The following PTPRT variants were observed in gnomAD, a reference collection of about 807,000 sequenced individuals.
The protein encoded by PTPRT is protein tyrosine phosphatase receptor type T, also known as receptor-type tyrosine-protein phosphatase T.
In PTPRT, 56 loss-of-function variants were observed where a neutral mutation model predicts 176.8. That is an observed-to-expected ratio of 0.32 (90% CI 0.26 to 0.40). The LOEUF (loss-of-function observed/expected upper bound fraction) is 0.40, where lower values mean the gene tolerates loss of function less well. Among genes scored for constraint, PTPRT ranks in the 10% least tolerant of loss-of-function variants. The pLI, the probability that PTPRT is intolerant of heterozygous loss-of-function variation, is 1.00. For missense variants in PTPRT, 1,540 were observed against 1,908.2 expected (o/e 0.81, Z 3.60); for synonymous variants, 783 against 739.0 (o/e 1.06, Z -0.96).
intron 2 of PTPRT, among the ~76,000 whole-genome samples, chr20:42,885,242 A>ATT (rs2079083768): frequency 6.8e-6 from 1 of 147,282 alleles, no homozygotes; most frequent in African/African-American, 2.5e-5. Flanking sequence ...TAATATATAT[A>ATT]CTATGTAACA....
At chr20:42,346,193 G>A (rs760085775) in intron 11 of PTPRT, among the ~76,000 whole-genome samples, 1 of 152,160 alleles carries the variant, frequency 6.6e-6, no homozygotes, top group African/African-American at 2.4e-5. Context: ...AATTAGATGG[G>A]AAGGGGAGGA....
At chr20:42,830,962 C>A (rs1305617679) in intron 2 of PTPRT, among the ~76,000 whole-genome samples, 1 of 152,186 alleles carries the variant, frequency 6.6e-6, no homozygotes, top group Non-Finnish European at 1.5e-5. Flanking sequence ...AATGGCCACA[C>A]TGCCCAAAGC....
intron 20 of PTPRT, 70 bp from the exon 21 acceptor site, chr20:42,118,570 C>T: frequency 7.1e-7 from 1 of 1,413,000 alleles, no homozygotes; most frequent in South Asian, 1.3e-5. Context: ...GTTTGTCCCC[C>T]CGGTTGGTCA....
chr20:42,175,878 G>T (rs565603538), intron 16 of PTPRT, among the ~76,000 whole-genome samples: 14 of 152,136 alleles, frequency 9.2e-5, no homozygotes, highest in Non-Finnish European at 2.1e-4. Flanking sequence ...GGGATGACTG[G>T]TCACTAAAAG....
intron 7 of PTPRT, among the ~76,000 whole-genome samples, chr20:42,516,776 G>A (rs1318860082): frequency 6.6e-6 from 1 of 152,136 alleles, no homozygotes; most frequent in African/African-American, 2.4e-5. Context: ...ACGAAATACA[G>A]CCTGTAATTT....
chr20:42,705,993 G>T (rs2076049018), intron 6 of PTPRT, among the ~76,000 whole-genome samples: 1 of 152,068 alleles, frequency 6.6e-6, no homozygotes, highest in Non-Finnish European at 1.5e-5. Context: ...GTATAATGGG[G>T]AGAGGTTGGA....
At chr20:42,427,511 C>A (rs572541584) in intron 9 of PTPRT, among the ~76,000 whole-genome samples, 1 of 89,832 alleles carries the variant, frequency 1.1e-5, no homozygotes, top group East Asian at 3.3e-4. Context: ...ATCGATGGCG[C>A]CTTCTAGCTG....
rs1169415694 is a variant in PTPRT at position 42,617,116 on chromosome 20, A to G, written c.1153+60750T>C. Among the ~76,000 whole-genome samples, 3 of 137,416 alleles carry G rather than the reference A, an allele frequency of 2.2e-5. 1 individual carries two copies. The highest frequency in any genetic ancestry group is 3.2e-5 in the African/African-American group (1 of 31,034). The allele number at this position is 137,416 out of a possible 152,430, so 90.2% of individuals were successfully genotyped here. ...TTATTATTTTGAAATACCTCCCATC[A>G]ATACCTAATTTATTGAGAGTTTTTA... On this transcript the variant is annotated intron_variant, in intron 7 of 30. Transcript: ENST00000373187.
At chr20:42,900,565 G>C (rs1329435659) in intron 1 of PTPRT, among the ~76,000 whole-genome samples, 1 of 152,142 alleles carries the variant, frequency 6.6e-6, no homozygotes, top group Non-Finnish European at 1.5e-5. Context: ...AGCATCAAAA[G>C]TGGTAATGCC....
At chr20:42,873,804 A>G (rs774101267) in intron 2 of PTPRT, among the ~76,000 whole-genome samples, 4 of 152,184 alleles carry the variant, frequency 2.6e-5, no homozygotes, top group African/African-American at 4.8e-5. Flanking sequence ...TGGGACCTCA[A>G]TGGATTACTG....
At chr20:42,945,159 AT>A (rs1443093061) in intron 1 of PTPRT, among the ~76,000 whole-genome samples, 1 of 150,524 alleles carries the variant, frequency 6.6e-6, no homozygotes, top group Non-Finnish European at 1.5e-5. Flanking sequence ...GTATCTTTAC[AT>A]TTATTATAAT....
At chr20:42,558,911 C>T (rs1010361193) in intron 7 of PTPRT, among the ~76,000 whole-genome samples, 2 of 152,138 alleles carry the variant, frequency 1.3e-5, no homozygotes, top group Non-Finnish European at 2.9e-5. Flanking sequence ...ACAGAATTCT[C>T]CATGTGAAGG....
intron 2 of PTPRT, among the ~76,000 whole-genome samples, chr20:42,823,062 A>G (rs552126059): frequency 6.6e-6 from 1 of 152,342 alleles, no homozygotes; most frequent in African/African-American, 2.4e-5. Context: ...AACGCAAATC[A>G]TTCTACTATA....
At chr20:42,869,920 G>A (rs1166260295) in intron 2 of PTPRT, among the ~76,000 whole-genome samples, 1 of 152,172 alleles carries the variant, frequency 6.6e-6, no homozygotes, top group Non-Finnish European at 1.5e-5. Context: ...TTATAAAAGA[G>A]CTGGAGGGAA....
intron 9 of PTPRT, among the ~76,000 whole-genome samples, chr20:42,383,575 T>A (rs2058716425): frequency 6.6e-6 from 1 of 152,212 alleles, no homozygotes; most frequent in Non-Finnish European, 1.5e-5. Context: ...GGCCACTGAT[T>A]CTGCAGTGTT....
intron 1 of PTPRT, among the ~76,000 whole-genome samples, chr20:43,101,771 A>G (rs1204357485): frequency 6.6e-6 from 1 of 152,152 alleles, no homozygotes. Flanking sequence ...ACTCTGGGAG[A>G]CAGCCACCCA....
At chr20:42,603,527 C>T (rs1008036354) in intron 7 of PTPRT, among the ~76,000 whole-genome samples, 6 of 152,084 alleles carry the variant, frequency 3.9e-5, no homozygotes, top group South Asian at 2.1e-4. Flanking sequence ...GAGGCTGGTG[C>T]GACTAGATCT....
chr20:43,142,221 G>A (rs993235341), intron 1 of PTPRT, among the ~76,000 whole-genome samples: 7 of 152,192 alleles, frequency 4.6e-5, no homozygotes, highest in South Asian at 2.1e-4. Flanking sequence ...CGTTCTAAAC[G>A]GACTTGAATG....
rs1982432068 is a variant in PTPRT at position 42,072,934 on chromosome 20, A to C, written c.*7945T>G. On this transcript the variant is annotated 3_prime_UTR_variant, in exon 31 of 31. Coordinates refer to ENST00000373187, the MANE Select transcript of PTPRT (RefSeq NM_007050.6). ...AATATATCTGATATTCATTGACCTG[A>C]CATTATTTACCTTCTGCTTTTCTGA... 4.5e-6 allele frequency: 1 copy of C among 224,382 alleles called. No individual in the cohort carries two copies. Among genetic ancestry groups the C allele is most frequent in the Non-Finnish European group, 8.9e-6 (1 of 112,264 alleles). 13.9% of individuals were successfully genotyped at this position (224,382 alleles called of 1,614,324 possible). A position where few individuals can be genotyped will look rare whatever the true frequency, so the allele number is the denominator to read the frequency against.
Sources: allele counts gnomAD v4.1 joint callset (sites outside exome capture counted in the v4.1 genomes callset), GRCh38; gene constraint gnomAD v4.1.1; transcripts MANE v1.5; gene names NCBI Gene and HGNC (gene_info 2026-07-23, HGNC 2026-07-21).